GDPD5: variants seen among roughly 807,000 people sequenced by gnomAD.
GDPD5 encodes glycerophosphodiester phosphodiesterase domain containing 5, also known as glycerophosphodiester phosphodiesterase 2.
A neutral mutation model predicts 75.1 loss-of-function variants in GDPD5; 48 were observed. The observed-to-expected ratio is 0.64, with a 90% CI of 0.51 to 0.81. GDPD5 has a LOEUF of 0.81. GDPD5 is among the 40% of genes least tolerant of loss of function. GDPD5 has a pLI of 0.00. For synonymous variants in GDPD5, 336 were observed against 339.0 expected, an observed-to-expected ratio of 0.99 and a Z score of 0.10; for missense variants, 706 against 822.6, an observed-to-expected ratio of 0.86 and a Z score of 1.73.
intron 2 of GDPD5, among the ~76,000 whole-genome samples, chr11:75,487,083 C>T (rs1220197096): frequency 6.6e-6 from 1 of 152,178 alleles, no homozygotes; most frequent in Non-Finnish European, 1.5e-5. Context: ...CTGGAAAAAG[C>T]CCAGCCAGTG....
intron 2 of GDPD5, among the ~76,000 whole-genome samples, chr11:75,488,611 G>T (rs1950056131): frequency 6.6e-6 from 1 of 152,026 alleles, no homozygotes; most frequent in Non-Finnish European, 1.5e-5. Context: ...CTCAGGTTGG[G>T]CCCTCTGCCA....
chr11:75,477,304 C>T (rs931687430), intron 3 of GDPD5, among the ~76,000 whole-genome samples: 14 of 152,234 alleles, frequency 9.2e-5, no homozygotes, highest in African/African-American at 3.4e-4. Context: ...GCCTGCCTGC[C>T]TGTCAAGATC....
intron 13 of GDPD5, 108 bp downstream of exon 13, chr11:75,441,538 C>T (rs1383676286): frequency 2.5e-6 from 3 of 1,210,998 alleles, no homozygotes; most frequent in Non-Finnish European, 3.4e-6. Flanking sequence ...ATCCCTCTGC[C>T]CGACCGTGTG....
At chr11:75,483,652 A>G (rs667410) in intron 2 of GDPD5, among the ~76,000 whole-genome samples, 104,913 of 152,082 alleles carry the variant, frequency 0.69, 36,738 homozygotes, top group East Asian at 0.96. Context: ...GGACTAAATG[A>G]GGTAATACAT....
intron 6 of GDPD5, chr11:75,450,491 C>CT (rs1949111998): frequency 6.3e-6 from 1 of 159,746 alleles, no homozygotes; most frequent in Non-Finnish European, 1.4e-5. Context: ...CTGGGCTGGG[C>CT]TCACAGTGGC....
At chr11:75,439,995 C>T in intron 14 of GDPD5, 34 bp from the exon 15 acceptor site, 22 of 1,543,312 alleles carry the variant, frequency 1.4e-5, no homozygotes, top group Non-Finnish European at 1.9e-5. Flanking sequence ...AACTTCCAGT[C>T]ATGGCCAGTC....
intron 1 of GDPD5, among the ~76,000 whole-genome samples, chr11:75,494,925 C>A (rs1481604040): frequency 6.6e-6 from 1 of 151,742 alleles, no homozygotes; most frequent in Non-Finnish European, 1.5e-5. Flanking sequence ...GCACTCCAGC[C>A]TGGGCAACAG....
Position 75,493,924 on chromosome 11 carries a change from G to C in GDPD5, c.-144-3604C>G, listed in dbSNP as rs1449169285. Among the ~76,000 whole-genome samples the C allele has an allele frequency of 2.6e-5, 4 of 152,000 alleles. No individual in the cohort carries two copies. In the East Asian group the frequency reaches 7.7e-4, roughly 29 times the overall value. On this transcript the variant is annotated intron_variant, in intron 1 of 16. Coordinates refer to ENST00000336898, the MANE Select transcript of GDPD5 (RefSeq NM_030792.8). ...GCTGAGGAACATCTTACAACATTCT[G>C]CAACTCACATTACTCACATTAATGT...
At chr11:75,479,700 C>T (rs1949862106) in intron 2 of GDPD5, among the ~76,000 whole-genome samples, 1 of 152,200 alleles carries the variant, frequency 6.6e-6, no homozygotes, top group South Asian at 2.1e-4. Context: ...ACTGTAACTC[C>T]CTATTTACCC....
intron 6 of GDPD5, 59 bp downstream of exon 6, chr11:75,456,695 TCTG>T (rs1949292108): frequency 6.5e-6 from 10 of 1,535,790 alleles, no homozygotes; most frequent in Non-Finnish European, 9.0e-6. Flanking sequence ...AGGCCCTTCC[TCTG>T]CTGCTGCTGC....
chr11:75,442,790 G>A (rs545474047), intron 11 of GDPD5: 29 of 609,288 alleles, frequency 4.8e-5, no homozygotes, highest in African/African-American at 3.1e-4. Flanking sequence ...GACGGAGGAC[G>A]GCTTGCTTGG....
At chr11:75,444,261 G>T in intron 10 of GDPD5, 152 bp downstream of exon 10, 1 of 620,688 alleles carries the variant, frequency 1.6e-6, no homozygotes, top group East Asian at 2.7e-5. Context: ...GGAGTCTGCA[G>T]GAACAGGGTG....
At chr11:75,489,296 G>A (rs1426824489) in intron 2 of GDPD5, among the ~76,000 whole-genome samples, 1 of 152,170 alleles carries the variant, frequency 6.6e-6, no homozygotes, top group Non-Finnish European at 1.5e-5. Flanking sequence ...TCTGGCACAG[G>A]ATACTAATTT....
At chr11:75,478,660 C>T (rs540112622) in intron 2 of GDPD5, among the ~76,000 whole-genome samples, 5 of 152,282 alleles carry the variant, frequency 3.3e-5, no homozygotes, top group Non-Finnish European at 7.4e-5. Flanking sequence ...TGCTGTATTC[C>T]CAGTAACTTG....
chr11:75,465,650 C>T (rs1256918174), intron 3 of GDPD5, among the ~76,000 whole-genome samples: 1 of 152,232 alleles, frequency 6.6e-6, no homozygotes, highest in Non-Finnish European at 1.5e-5. Context: ...AGGCTTAACA[C>T]CCAGTTCCCA....
intron 7 of GDPD5, 123 bp from the exon 8 acceptor site, chr11:75,449,733 C>T: frequency 7.9e-7 from 1 of 1,265,146 alleles, no homozygotes; most frequent in Non-Finnish European, 1.1e-6. Flanking sequence ...ACTGGGGACA[C>T]TGGGAGCCTC....
rs547811290 is a variant in GDPD5, at chr11:75,454,278, G to A, written c.375+2479C>T. Among the ~76,000 whole-genome samples, 13 of 152,188 alleles carry A rather than the reference G, an allele frequency of 8.5e-5. No homozygotes were observed. In the South Asian group the frequency reaches 2.3e-3, roughly 27 times the overall value. ...GAAAAATGCCGAATCTAACTCACCC[G>A]AAGGGAAATGCAAATGAAAACTACA... On this transcript the variant is annotated intron_variant, in intron 6 of 16. Coordinates refer to ENST00000336898, the MANE Select transcript of GDPD5 (RefSeq NM_030792.8).
chr11:75,496,905 T>A (rs2135437903), intron 1 of GDPD5, among the ~76,000 whole-genome samples: 1 of 150,098 alleles, frequency 6.7e-6, no homozygotes, highest in East Asian at 2.0e-4. Context: ...CTCAGCCTCC[T>A]GAGTCTCTAG....
chr11:75,456,115 G>C (rs1030336427), intron 6 of GDPD5, among the ~76,000 whole-genome samples: 3 of 152,200 alleles, frequency 2.0e-5, no homozygotes, highest in Non-Finnish European at 4.4e-5. Flanking sequence ...GAAAAAGGGA[G>C]GGCAAGAGCA....
Sources: gnomAD v4.1 joint callset for allele counts (sites outside exome capture counted in the v4.1 genomes callset) on GRCh38, gnomAD v4.1.1 for gene constraint, MANE v1.5 for transcripts, NCBI Gene and HGNC (gene_info 2026-07-23, HGNC 2026-07-21) for gene names.